CDH13: variants seen among roughly 807,000 people sequenced by gnomAD.
The protein encoded by CDH13 is cadherin-13.
In CDH13, 24 loss-of-function variants were observed where a neutral mutation model predicts 63.8. The observed-to-expected ratio is 0.38, with a 90% CI of 0.27 to 0.53. CDH13 has a LOEUF of 0.53. Among genes scored for constraint, CDH13 ranks in the 20% least tolerant of loss-of-function variants. CDH13 has a pLI of 0.85. For missense variants in CDH13, 1,049 were observed against 903.1 expected, an observed-to-expected ratio of 1.16 and a Z score of -2.07; for synonymous variants, 503 against 355.3, an observed-to-expected ratio of 1.42 and a Z score of -4.67.
chr16:83,191,505 A>ATATATATATATATATG (rs1491422081), intron 4 of CDH13, among the ~76,000 whole-genome samples: 3 of 73,980 alleles, frequency 4.1e-5, no homozygotes, highest in African/African-American at 8.9e-5. Context: ...ATATATATAT[A>ATATATATATATATATG]CACACACACA....
chr16:83,187,426 A>G (rs2038559792), intron 4 of CDH13, among the ~76,000 whole-genome samples: 1 of 152,106 alleles, frequency 6.6e-6, no homozygotes, highest in Non-Finnish European at 1.5e-5. Context: ...GTCATCAGTG[A>G]TAAAACCATG....
intron 1 of CDH13, among the ~76,000 whole-genome samples, chr16:82,857,768 C>G (rs558746284): frequency 1.3e-4 from 20 of 152,206 alleles, no homozygotes; most frequent in African/African-American, 3.6e-4. Flanking sequence ...AAATTATTGA[C>G]TATTTTACAT....
intron 2 of CDH13, among the ~76,000 whole-genome samples, chr16:83,014,952 G>A (rs1209397512): frequency 6.7e-6 from 1 of 148,356 alleles, no homozygotes; most frequent in African/African-American, 2.5e-5. Flanking sequence ...GAAAACCTCA[G>A]TGTTCAGCAA....
At chr16:83,561,426 C>CAAA (rs5818456) in intron 7 of CDH13, among the ~76,000 whole-genome samples, 5 of 114,120 alleles carry the variant, frequency 4.4e-5, no homozygotes, top group Non-Finnish European at 7.2e-5. Context: ...AACACCATCT[C>CAAA]AAAAAAAAAA....
chr16:83,102,178 G>A (rs1222860322), intron 3 of CDH13, among the ~76,000 whole-genome samples: 1 of 152,172 alleles, frequency 6.6e-6, no homozygotes, highest in Non-Finnish European at 1.5e-5. Context: ...ATACCTTCTG[G>A]TGTACATCTT....
chr16:83,030,177 T>A (rs1318835677), intron 2 of CDH13, among the ~76,000 whole-genome samples: 2 of 152,156 alleles, frequency 1.3e-5, no homozygotes, highest in South Asian at 2.1e-4. Context: ...TGGCAGGAAC[T>A]TTGCTCACAT....
intron 8 of CDH13, among the ~76,000 whole-genome samples, chr16:83,649,839 A>T (rs950843621): frequency 3.8e-4 from 58 of 152,274 alleles, no homozygotes; most frequent in South Asian, 4.2e-4. Context: ...GCACCCAGCC[A>T]CCTGAGGACC....
At chr16:82,850,502 A>T (rs2039439210) in intron 1 of CDH13, among the ~76,000 whole-genome samples, 1 of 152,248 alleles carries the variant, frequency 6.6e-6, no homozygotes, top group African/African-American at 2.4e-5. Flanking sequence ...AAGATGCTGT[A>T]AACATTGTTG....
chr16:83,410,805 G>T (rs1278806713), intron 6 of CDH13, among the ~76,000 whole-genome samples: 1 of 152,128 alleles, frequency 6.6e-6, no homozygotes, highest in Non-Finnish European at 1.5e-5. Context: ...TTGTTTTCTT[G>T]TGGGATTCAG....
chr16:82,663,264 G>A (rs931046345), intron 1 of CDH13, among the ~76,000 whole-genome samples: 1 of 152,150 alleles, frequency 6.6e-6, no homozygotes, highest in African/African-American at 2.4e-5. Context: ...TCGGCTCACC[G>A]CAACCTCTGC....
intron 4 of CDH13, among the ~76,000 whole-genome samples, chr16:83,138,367 C>T (rs1173174655): frequency 2.6e-5 from 4 of 151,750 alleles, no homozygotes; most frequent in Admixed American, 6.6e-5. Context: ...TGATGGGGTG[C>T]TGTGGGATCT....
intron 13 of CDH13, among the ~76,000 whole-genome samples, chr16:83,792,968 A>G (rs1402314865): frequency 6.6e-6 from 1 of 152,214 alleles, no homozygotes; most frequent in Non-Finnish European, 1.5e-5. Context: ...AAACATCTGA[A>G]GTTCTTAGCA....
chr16:83,256,197 C>A (rs1906238777), intron 5 of CDH13, among the ~76,000 whole-genome samples: 1 of 152,032 alleles, frequency 6.6e-6, no homozygotes, highest in Non-Finnish European at 1.5e-5. Flanking sequence ...CCATGACCAG[C>A]TACTGTTGTA....
chr16:82,759,955 A>C (rs2034770037), intron 1 of CDH13, among the ~76,000 whole-genome samples: 1 of 152,224 alleles, frequency 6.6e-6, no homozygotes, highest in Admixed American at 6.5e-5. Context: ...TTCATTTATC[A>C]ACAATTTATG....
At chr16:83,453,813 C>G (rs1044595571) in intron 6 of CDH13, among the ~76,000 whole-genome samples, 1 of 152,192 alleles carries the variant, frequency 6.6e-6, no homozygotes, top group Admixed American at 6.5e-5. Context: ...TGGTTCACAG[C>G]CTCCCCAAAT....
chr16:83,577,637 C>A (rs777849818), intron 7 of CDH13, among the ~76,000 whole-genome samples: 2 of 152,326 alleles, frequency 1.3e-5, no homozygotes, highest in Non-Finnish European at 2.9e-5. Flanking sequence ...TGGGTTTGTA[C>A]TGCTTCCCAG....
intron 2 of CDH13, among the ~76,000 whole-genome samples, chr16:82,967,700 G>C (rs1304956788): frequency 6.6e-6 from 1 of 152,214 alleles, no homozygotes; most frequent in Non-Finnish European, 1.5e-5. Context: ...GGCAGTTGTT[G>C]CATTTGTGGC....
chr16:83,265,525 T>C (rs962611807), intron 5 of CDH13, among the ~76,000 whole-genome samples: 2 of 152,176 alleles, frequency 1.3e-5, no homozygotes, highest in Non-Finnish European at 2.9e-5. Flanking sequence ...CTTTATCTTA[T>C]GACCACTCTG....
chr16:83,529,892 T>C (rs1257054230), intron 7 of CDH13, among the ~76,000 whole-genome samples: 1 of 152,210 alleles, frequency 6.6e-6, no homozygotes, highest in African/African-American at 2.4e-5. Flanking sequence ...TGTAATAAAA[T>C]AACGTTATTA....
Sources: gnomAD v4.1 joint callset for allele counts (sites outside exome capture counted in the v4.1 genomes callset) on GRCh38, gnomAD v4.1.1 for gene constraint, MANE v1.5 for transcripts, NCBI Gene and HGNC (gene_info 2026-07-23, HGNC 2026-07-21) for gene names.